Variants in MAML3 observed in about 807,000 individuals in gnomAD.
MAML3 encodes mastermind-like protein 3.
Under a neutral mutation model 101.9 loss-of-function variants are expected in MAML3, and 27 were observed. The observed-to-expected ratio is 0.27, with a 90% CI of 0.20 to 0.37. The LOEUF (loss-of-function observed/expected upper bound fraction) is 0.37. Among genes scored for constraint, MAML3 ranks in the 10% least tolerant of loss-of-function variants. MAML3 has a pLI of 1.00. For synonymous variants in MAML3, 501 were observed against 555.9 expected (o/e 0.90, Z 1.39); for missense variants, 1,316 against 1,444.9 (o/e 0.91, Z 1.45).
chr4:140,139,052 G>A (rs963183255), intron 1 of MAML3, among the ~76,000 whole-genome samples: 12 of 152,218 alleles, frequency 7.9e-5, no homozygotes, highest in Admixed American at 4.6e-4. Flanking sequence ...CAGGAGGATC[G>A]CTTAAAATCA....
chr4:140,107,946 A>C (rs77308545), intron 1 of MAML3, among the ~76,000 whole-genome samples: 1,586 of 152,192 alleles, frequency 0.01, 31 homozygotes, highest in African/African-American at 0.037. Context: ...AAACAAAACA[A>C]AACAAAATCT....
At chr4:140,079,091 GC>G (rs1727824238) in intron 1 of MAML3, among the ~76,000 whole-genome samples, 1 of 152,112 alleles carries the variant, frequency 6.6e-6, no homozygotes, top group Non-Finnish European at 1.5e-5. Flanking sequence ...AGAGCTCAGT[GC>G]CTTCTTTTAT....
At chr4:140,005,517 G>C (rs1488942015) in intron 1 of MAML3, among the ~76,000 whole-genome samples, 1 of 152,182 alleles carries the variant, frequency 6.6e-6, no homozygotes, top group Non-Finnish European at 1.5e-5. Context: ...CAGGAATAGG[G>C]CTTGCTCTTT....
intron 2 of MAML3, among the ~76,000 whole-genome samples, chr4:139,743,744 A>G (rs1729233730): frequency 6.6e-6 from 1 of 152,214 alleles, no homozygotes; most frequent in Non-Finnish European, 1.5e-5. Context: ...GTTACTTTCT[A>G]TAGAAAGCCT....
At chr4:139,866,415 C>T (rs1731900712) in intron 2 of MAML3, among the ~76,000 whole-genome samples, 1 of 152,140 alleles carries the variant, frequency 6.6e-6, no homozygotes, top group Non-Finnish European at 1.5e-5. Context: ...GGCTGAGTGC[C>T]TATTCCTGGT....
intron 2 of MAML3, among the ~76,000 whole-genome samples, chr4:139,806,884 T>C (rs1362453841): frequency 1.3e-5 from 2 of 152,236 alleles, no homozygotes; most frequent in African/African-American, 4.8e-5. Context: ...CTCATATGCA[T>C]AGAAATTAAC....
In MAML3 at chr4:139,719,743, C is replaced by T. The variant is rs758956178; in HGVS notation, c.2997G>A (p.Lys999=). ...PLQAGQPRLT[K]QHFPQGLSQS... is the part of the protein sequence containing the mutation. Reference sequence around the variant, plus strand: ...GGCTCAGTCCCTGTGGGAAGTGCTGCTTGGTCAGTCTCGGCTGCCCAGCTT... The same window carrying T: ...GGCTCAGTCCCTGTGGGAAGTGCTGTTTGGTCAGTCTCGGCTGCCCAGCTT... Residue 999 remains lysine (K), a synonymous_variant, in exon 5 of 5, where the codon AAG becomes AAA. Coordinates refer to ENST00000509479, the MANE Select transcript of MAML3 (RefSeq NM_018717.5). 5.0e-6 allele frequency: 8 copies of T among 1,613,664 alleles called. No individual in the cohort carries two copies. Among genetic ancestry groups the T allele is most frequent in the East Asian group, 4.5e-5 (2 of 44,888 alleles).
intron 1 of MAML3, among the ~76,000 whole-genome samples, chr4:140,014,831 A>C (rs1726617146): frequency 6.6e-6 from 1 of 152,222 alleles, no homozygotes; most frequent in Non-Finnish European, 1.5e-5. Context: ...TAGGATATTG[A>C]AAAGACTAAA....
intron 2 of MAML3, among the ~76,000 whole-genome samples, chr4:139,836,621 G>A (rs749534514): frequency 1.3e-5 from 2 of 152,148 alleles, no homozygotes; most frequent in Non-Finnish European, 2.9e-5. Context: ...GCCAAGTGCT[G>A]GAGCCCTCCT....
intron 2 of MAML3, among the ~76,000 whole-genome samples, chr4:139,829,113 GAA>G (rs1243415468): frequency 2.0e-5 from 3 of 148,618 alleles, no homozygotes; most frequent in Non-Finnish European, 4.5e-5. Context: ...AAGAAAGGAA[GAA>G]AGAGAAAGGA....
chr4:139,963,311 T>C (rs748836997), intron 1 of MAML3, among the ~76,000 whole-genome samples: 35 of 152,280 alleles, frequency 2.3e-4, no homozygotes, highest in Non-Finnish European at 4.6e-4. Context: ...AGGGATCTTG[T>C]GAAATAACAC....
chr4:139,797,026 G>A (rs542808310), intron 2 of MAML3, among the ~76,000 whole-genome samples: 1 of 152,098 alleles, frequency 6.6e-6, no homozygotes, highest in African/African-American at 2.4e-5. Context: ...TTGCTGTGAG[G>A]TCTAAAAGTG....
chr4:140,144,263 A>G (rs1049651225), intron 1 of MAML3, among the ~76,000 whole-genome samples: 2 of 152,048 alleles, frequency 1.3e-5, no homozygotes, highest in Non-Finnish European at 2.9e-5. Flanking sequence ...TCAATGAATT[A>G]AGGCCGGGCT....
intron 2 of MAML3, among the ~76,000 whole-genome samples, chr4:139,783,509 C>T (rs564723200): frequency 8.5e-5 from 13 of 152,320 alleles, no homozygotes; most frequent in African/African-American, 3.1e-4. Context: ...CAGAACCTGC[C>T]TTTCTGCTTC....
At chr4:139,909,349 T>C (rs902624116) in intron 1 of MAML3, among the ~76,000 whole-genome samples, 1 of 152,206 alleles carries the variant, frequency 6.6e-6, no homozygotes, top group Non-Finnish European at 1.5e-5. Flanking sequence ...CGAACAGGTA[T>C]ACATAATACT....
chr4:140,007,443 G>A (rs1726469974), intron 1 of MAML3, among the ~76,000 whole-genome samples: 2 of 152,114 alleles, frequency 1.3e-5, no homozygotes, highest in Admixed American at 1.3e-4. Context: ...TAATAATAAG[G>A]GAATGGAAGA....
intron 1 of MAML3, among the ~76,000 whole-genome samples, chr4:139,963,891 G>T (rs897032866): frequency 4.6e-5 from 7 of 152,096 alleles, no homozygotes; most frequent in Non-Finnish European, 8.8e-5. Flanking sequence ...GATGATGATG[G>T]CTATGTTCCA....
At chr4:139,944,160 G>A (rs1437972294) in intron 1 of MAML3, among the ~76,000 whole-genome samples, 7 of 151,808 alleles carry the variant, frequency 4.6e-5, no homozygotes, top group African/African-American at 7.3e-5. Context: ...ATAAGCCACC[G>A]TGCCCGGCCT....
At chr4:139,981,425 T>C (rs1157015656) in intron 1 of MAML3, among the ~76,000 whole-genome samples, 2 of 152,218 alleles carry the variant, frequency 1.3e-5, no homozygotes, top group East Asian at 1.9e-4. Context: ...GTTCAGCCCA[T>C]GATAAATAGT....
Sources: allele counts gnomAD v4.1 joint callset (sites outside exome capture counted in the v4.1 genomes callset), GRCh38; gene constraint gnomAD v4.1.1; transcripts MANE v1.5; gene names NCBI Gene and HGNC (gene_info 2026-07-23, HGNC 2026-07-21).